SETBP1: variants seen among roughly 807,000 people sequenced by gnomAD.
SETBP1 encodes the protein SET-binding protein.
In SETBP1, 9 loss-of-function variants were observed where a neutral mutation model predicts 101.0. The observed-to-expected ratio is 0.09, with a 90% CI of 0.05 to 0.16. The LOEUF (loss-of-function observed/expected upper bound fraction) is 0.16. Ranked by LOEUF, SETBP1 falls within the 10% of genes least tolerant of loss-of-function variation. The pLI is 1.00. For synonymous variants in SETBP1, 818 were observed against 788.5 expected (o/e 1.04, Z -0.63); for missense variants, 1,858 against 2,033.8 (o/e 0.91, Z 1.66).
chr18:44,818,312 AAAG>A (rs1388864785), intron 2 of SETBP1, among the ~76,000 whole-genome samples: 1 of 152,240 alleles, frequency 6.6e-6, no homozygotes, highest in African/African-American at 2.4e-5. Context: ...AACCTTAAAG[AAAG>A]AAGGACTTCA....
chr18:44,973,097 A>T (rs1270184331), intron 4 of SETBP1, among the ~76,000 whole-genome samples: 1 of 152,180 alleles, frequency 6.6e-6, no homozygotes, highest in South Asian at 2.1e-4. Context: ...GGGTAGTTGA[A>T]TTTTGTCAAA....
At chr18:44,733,888 A>T (rs749955285) in intron 2 of SETBP1, among the ~76,000 whole-genome samples, 9 of 151,368 alleles carry the variant, frequency 5.9e-5, no homozygotes, top group Non-Finnish European at 1.3e-4. Flanking sequence ...GAGGAAATTG[A>T]TCAGCCTATG....
chr18:44,736,138 A>G (rs912085902), intron 2 of SETBP1, among the ~76,000 whole-genome samples: 2 of 152,200 alleles, frequency 1.3e-5, no homozygotes, highest in East Asian at 3.9e-4. Context: ...TAATCCCAGC[A>G]CTTTGGGAGG....
intron 3 of SETBP1, among the ~76,000 whole-genome samples, chr18:44,935,695 C>G: frequency 6.6e-6 from 1 of 152,200 alleles, no homozygotes; most frequent in East Asian, 1.9e-4. Context: ...AGAAGGGGAG[C>G]CTTGTGAGCT....
chr18:44,887,895 C>A (rs1318004200), intron 3 of SETBP1, among the ~76,000 whole-genome samples: 1 of 152,074 alleles, frequency 6.6e-6, no homozygotes, highest in Non-Finnish European at 1.5e-5. Flanking sequence ...AGCAGGTTAT[C>A]CAATTGTAAA....
rs2073231697 is a variant in SETBP1 at position 45,028,976 on chromosome 18, C to A, written c.4001-9509C>A. On this transcript the variant is annotated intron_variant, in intron 4 of 5. Coordinates refer to ENST00000649279, the MANE Select transcript of SETBP1 (RefSeq NM_015559.3). ...TTTTGTAGGTTGCCTGTTCACTCTG[C>A]TAGTAGTTTCTTCTGCTGTGCAAAA... 2.6e-5 allele frequency among the ~76,000 whole-genome samples: 4 copies of A among 152,082 alleles called. 1 individual carries two copies. The South Asian group carries it at 8.3e-4, about 32-fold the overall frequency.
At chr18:45,021,528 C>T (rs570465284) in intron 4 of SETBP1, among the ~76,000 whole-genome samples, 3 of 152,074 alleles carry the variant, frequency 2.0e-5, no homozygotes, top group South Asian at 2.1e-4. Context: ...CATTTTCTTT[C>T]GTGTGTTCAA....
intron 4 of SETBP1, among the ~76,000 whole-genome samples, chr18:44,994,594 A>C (rs1375204422): frequency 6.6e-6 from 1 of 152,210 alleles, no homozygotes; most frequent in Non-Finnish European, 1.5e-5. Context: ...CAATGTGCTC[A>C]TAGGGAAAAT....
At chr18:44,695,859 C>CTTT (rs749678683) in intron 1 of SETBP1, among the ~76,000 whole-genome samples, 1 of 142,062 alleles carries the variant, frequency 7.0e-6, no homozygotes. Context: ...GGGAAACCAC[C>CTTT]TTTTTTTTTT....
chr18:44,720,485 G>C (rs182652546), intron 2 of SETBP1, among the ~76,000 whole-genome samples: 15 of 152,348 alleles, frequency 9.8e-5, no homozygotes, highest in African/African-American at 2.4e-4. Context: ...TGGGAATGAA[G>C]AGAGGAACCA....
intron 2 of SETBP1, among the ~76,000 whole-genome samples, chr18:44,706,427 A>G (rs996298804): frequency 1.3e-5 from 2 of 151,444 alleles, no homozygotes; most frequent in East Asian, 3.9e-4. Context: ...CTCTACTAAA[A>G]ATACAAAAAT....
intron 2 of SETBP1, among the ~76,000 whole-genome samples, chr18:44,740,446 G>T (rs2070071405): frequency 1.3e-5 from 2 of 152,168 alleles, no homozygotes; most frequent in Admixed American, 1.3e-4. Flanking sequence ...AATGATTCCT[G>T]CCCAACTTGC....
chr18:44,882,350 G>A (rs189679343), intron 3 of SETBP1, among the ~76,000 whole-genome samples: 155 of 152,164 alleles, frequency 1.0e-3, no homozygotes, highest in Middle Eastern at 3.4e-3. Flanking sequence ...GACAGCTCAA[G>A]TGGAAGTTAT....
intron 2 of SETBP1, among the ~76,000 whole-genome samples, chr18:44,776,249 C>T (rs373492708): frequency 5.9e-5 from 9 of 152,264 alleles, no homozygotes; most frequent in South Asian, 2.1e-4. Flanking sequence ...AGGGCTCCAC[C>T]GCGCACCCAA....
At chr18:44,725,680 G>A (rs1024005211) in intron 2 of SETBP1, among the ~76,000 whole-genome samples, 4 of 152,030 alleles carry the variant, frequency 2.6e-5, no homozygotes, top group Non-Finnish European at 2.9e-5. Flanking sequence ...ACATCCTCCC[G>A]GTGCTATGTG....
At chr18:44,755,880 T>C (rs2070480504) in intron 2 of SETBP1, among the ~76,000 whole-genome samples, 1 of 152,132 alleles carries the variant, frequency 6.6e-6, no homozygotes, top group Non-Finnish European at 1.5e-5. Context: ...GTGGTTCTTC[T>C]GTGTACGTGT....
intron 2 of SETBP1, among the ~76,000 whole-genome samples, chr18:44,773,410 A>T (rs2070917341): frequency 6.6e-6 from 1 of 152,236 alleles, no homozygotes; most frequent in Non-Finnish European, 1.5e-5. Context: ...ACAGACAAGC[A>T]CAAGGAAAGC....
chr18:45,051,789 T>TTTC (rs1479444606), intron 5 of SETBP1, among the ~76,000 whole-genome samples: 1 of 152,246 alleles, frequency 6.6e-6, no homozygotes, highest in Non-Finnish European at 1.5e-5. Context: ...TCCATGTTTT[T>TTTC]GTCATTGAAA....
intron 4 of SETBP1, among the ~76,000 whole-genome samples, chr18:44,972,443 T>A (rs935415322): frequency 2.6e-5 from 4 of 152,234 alleles, no homozygotes. Context: ...GAGGATGGCA[T>A]TGAATCTAGA....
Sources: allele counts gnomAD v4.1 joint callset (sites outside exome capture counted in the v4.1 genomes callset), GRCh38; gene constraint gnomAD v4.1.1; transcripts MANE v1.5; gene names NCBI Gene and HGNC (gene_info 2026-07-23, HGNC 2026-07-21).